Variants in TRIO observed in about 807,000 individuals in gnomAD.
TRIO encodes the protein triple functional domain protein.
In TRIO, 58 loss-of-function variants were observed where a neutral mutation model predicts 351.9. The observed-to-expected ratio is 0.16, with a 90% CI of 0.13 to 0.21. The LOEUF is 0.21. TRIO is among the 10% of genes least tolerant of loss of function. The probability of loss-of-function intolerance (pLI) is 1.00; values close to 1 mark genes in which losing one functional copy is unlikely to be tolerated. For missense variants in TRIO, 3,201 were observed against 4,027.8 expected (o/e 0.79, Z 5.56); for synonymous variants, 1,758 against 1,595.7 (o/e 1.10, Z -2.42).
Position 14,364,037 on chromosome 5 carries a change from G to A in TRIO, c.2587+110G>A, listed in dbSNP as rs183865776. 7.5e-6 allele frequency: 8 copies of A among 1,062,998 alleles called. No individual in the cohort carries two copies. The East Asian group carries it at 1.8e-4, about 24-fold the overall frequency. 65.8% of individuals were successfully genotyped at this position (1,062,998 alleles called of 1,614,324 possible). A position where few individuals can be genotyped will look rare whatever the true frequency, so the allele number is the denominator to read the frequency against. ...AATTTTGTTAGTTCCTATGATAAAG[G>A]TATTATAGATACCTGTTCTTTAAAA... is the stretch of plus-strand genomic sequence containing the variant. On this transcript the variant is annotated intron_variant, in intron 14 of 56. Transcript: ENST00000344204.
intron 1 of TRIO, among the ~76,000 whole-genome samples, chr5:14,222,488 C>G (rs1339237441): frequency 6.6e-6 from 1 of 152,130 alleles, no homozygotes; most frequent in Non-Finnish European, 1.5e-5. Context: ...AGCTCAGACC[C>G]CCAGCCAGTA....
chr5:14,379,578 T>C (rs1237872278), intron 20 of TRIO, among the ~76,000 whole-genome samples: 1 of 152,194 alleles, frequency 6.6e-6, no homozygotes, highest in Non-Finnish European at 1.5e-5. Context: ...CTCTTAACAT[T>C]TATTAGACAG....
chr5:14,398,765 C>A, intron 29 of TRIO, 115 bp from the exon 30 acceptor site: 1 of 989,180 alleles, frequency 1.0e-6, no homozygotes, highest in Non-Finnish European at 1.5e-6. Context: ...AAACTCTTAT[C>A]TAGGGTTGGC....
intron 25 of TRIO, among the ~76,000 whole-genome samples, chr5:14,389,993 C>T (rs971463514): frequency 2.0e-5 from 3 of 152,186 alleles, no homozygotes; most frequent in African/African-American, 4.8e-5. Flanking sequence ...CAAATATTTA[C>T]GTCTCCGAAG....
intron 2 of TRIO, among the ~76,000 whole-genome samples, chr5:14,274,458 G>T (rs1295271271): frequency 2.0e-5 from 3 of 152,132 alleles, no homozygotes; most frequent in Admixed American, 1.3e-4. Flanking sequence ...GTTTTATTAG[G>T]AGAGTCTTGT....
At chr5:14,210,337 G>A (rs1036589667) in intron 1 of TRIO, among the ~76,000 whole-genome samples, 3 of 152,182 alleles carry the variant, frequency 2.0e-5, no homozygotes, top group African/African-American at 7.2e-5. Flanking sequence ...ATTGTCCAGC[G>A]ACCCCAGCCA....
intron 43 of TRIO, 112 bp downstream of exon 43, chr5:14,480,123 G>A (rs1755403491): frequency 1.1e-6 from 1 of 920,474 alleles, no homozygotes. Flanking sequence ...TGTGTAACAG[G>A]TATATTATTT....
At chr5:14,301,221 T>C (rs1204031653) in intron 7 of TRIO, among the ~76,000 whole-genome samples, 1 of 152,054 alleles carries the variant, frequency 6.6e-6, no homozygotes, top group Non-Finnish European at 1.5e-5. Context: ...TGCCTCTGTT[T>C]TGCAAACTGG....
At chr5:14,189,657 T>C (rs1790340411) in intron 1 of TRIO, among the ~76,000 whole-genome samples, 1 of 152,142 alleles carries the variant, frequency 6.6e-6, no homozygotes, top group African/African-American at 2.4e-5. Context: ...GTCTAAGCCT[T>C]AAAAAGGTCT....
intron 14 of TRIO, among the ~76,000 whole-genome samples, chr5:14,364,207 C>T (rs910023016): frequency 1.3e-5 from 2 of 152,102 alleles, no homozygotes; most frequent in African/African-American, 4.8e-5. Flanking sequence ...CTATAAATCC[C>T]AGGAAAACAT....
At chr5:14,410,433 T>C (rs922583868) in intron 33 of TRIO, among the ~76,000 whole-genome samples, 1 of 152,204 alleles carries the variant, frequency 6.6e-6, no homozygotes, top group African/African-American at 2.4e-5. Context: ...AAATGCACTG[T>C]CCCTCTGAAC....
intron 1 of TRIO, among the ~76,000 whole-genome samples, chr5:14,250,144 A>G (rs968360166): frequency 1.3e-5 from 2 of 152,180 alleles, no homozygotes; most frequent in African/African-American, 2.4e-5. Flanking sequence ...CAGCCCTGTG[A>G]GGTGCTTTAG....
intron 1 of TRIO, among the ~76,000 whole-genome samples, chr5:14,230,806 C>G (rs768813438): frequency 5.3e-5 from 8 of 152,054 alleles, no homozygotes; most frequent in Non-Finnish European, 2.9e-5. Flanking sequence ...ATAATTTATA[C>G]CAATTGTAAT....
intron 31 of TRIO, among the ~76,000 whole-genome samples, chr5:14,403,057 G>C (rs1748237251): frequency 6.9e-6 from 1 of 144,078 alleles, no homozygotes; most frequent in Admixed American, 6.9e-5. Context: ...GTGGTGGGTT[G>C]TGAGGGTGCA....
At chr5:14,211,664 T>C (rs1444051703) in intron 1 of TRIO, among the ~76,000 whole-genome samples, 1 of 147,718 alleles carries the variant, frequency 6.8e-6, no homozygotes, top group Non-Finnish European at 1.5e-5. Context: ...TTGTCACATA[T>C]GTTTTCTCTT....
chr5:14,376,898 C>T (rs940224787), intron 19 of TRIO, among the ~76,000 whole-genome samples: 1 of 152,144 alleles, frequency 6.6e-6, no homozygotes, highest in South Asian at 2.1e-4. Flanking sequence ...GGATCTTACC[C>T]GTCTAGCAGG....
chr5:14,159,321 CAA>C (rs34735917), intron 1 of TRIO, among the ~76,000 whole-genome samples: 46,393 of 140,398 alleles, frequency 0.33, 7,522 homozygotes, highest in Middle Eastern at 0.47. Context: ...AAATCGCAGT[CAA>C]AAAAAAAAAA....
At chr5:14,318,131 GA>G (rs373792332) in intron 9 of TRIO, among the ~76,000 whole-genome samples, 19,307 of 120,072 alleles carry the variant, frequency 0.16, 1,525 homozygotes, top group Middle Eastern at 0.33. Flanking sequence ...CCATCTCAAA[GA>G]AAAAAAAAAA....
At chr5:14,169,267 C>T (rs1376331267) in intron 1 of TRIO, among the ~76,000 whole-genome samples, 2 of 145,142 alleles carry the variant, frequency 1.4e-5, no homozygotes, top group African/African-American at 5.1e-5. Flanking sequence ...ACATCACGTT[C>T]TTCCTCATAC....
Sources: allele counts gnomAD v4.1 joint callset (sites outside exome capture counted in the v4.1 genomes callset), GRCh38; gene constraint gnomAD v4.1.1; transcripts MANE v1.5; gene names NCBI Gene and HGNC (gene_info 2026-07-23, HGNC 2026-07-21).